Variants in ZNF850 observed in about 807,000 individuals in gnomAD.
ZNF850 encodes the protein putative zinc finger protein ENSP00000330994.
A neutral mutation model predicts 11.9 loss-of-function variants in ZNF850; 2 were observed. The ratio of observed to expected loss-of-function variants is 0.17; its 90% CI spans 0.07 to 0.53. ZNF850 has a LOEUF of 0.53. Among genes scored for constraint, ZNF850 ranks in the 20% least tolerant of loss-of-function variants. The pLI, the probability that ZNF850 is intolerant of heterozygous loss-of-function variation, is 0.94. For missense variants in ZNF850, 1,014 were observed against 1,316.4 expected (o/e 0.77, Z 3.55); for synonymous variants, 381 against 443.0 (o/e 0.86, Z 1.76).
chr19:36,760,910 C>A (rs187529310), intron 4 of ZNF850, among the ~76,000 whole-genome samples: 1 of 151,608 alleles, frequency 6.6e-6, no homozygotes, highest in East Asian at 1.9e-4. Flanking sequence ...GAAATGTCTG[C>A]ATCAAAGGAA....
chr19:36,752,737 A>G (rs1327028409), intron 4 of ZNF850, among the ~76,000 whole-genome samples: 3 of 152,286 alleles, frequency 2.0e-5, no homozygotes, highest in Admixed American at 1.3e-4. Context: ...TTTCAAGGAG[A>G]AAAAGAGAAA....
intron 1 of ZNF850, among the ~76,000 whole-genome samples, chr19:36,767,198 C>T (rs758846392): frequency 6.6e-6 from 1 of 151,134 alleles, no homozygotes; most frequent in Non-Finnish European, 1.5e-5. Flanking sequence ...GACCGTGGCA[C>T]TGCACTGCAG....
At chr19:36,771,391 CAG>C (rs1207906996) in intron 1 of ZNF850, among the ~76,000 whole-genome samples, 20 of 152,138 alleles carry the variant, frequency 1.3e-4, no homozygotes, top group Admixed American at 1.2e-3. Flanking sequence ...CAGGACCAAT[CAG>C]GGGCTGAAGT....
At chr19:36,768,571 T>G (rs2040562001) in intron 1 of ZNF850, among the ~76,000 whole-genome samples, 1 of 152,210 alleles carries the variant, frequency 6.6e-6, no homozygotes. Context: ...GATATTTTCA[T>G]CTCAAGTATA....
chr19:36,762,679 G>C lies in ZNF850; in HGVS notation c.-69-4C>G. Reference sequence around the variant, plus strand: ...TCCGAATATTCCATGGTTAGAGCTGGGAATGAATAAAACACATTGATATAT... The same window carrying C: ...TCCGAATATTCCATGGTTAGAGCTGCGAATGAATAAAACACATTGATATAT... On this transcript the variant is annotated splice_region_variant and splice_polypyrimidine_tract_variant and intron_variant, in intron 1 of 4. Transcript: ENST00000591344. 4.2e-6 allele frequency: 6 copies of C among 1,442,114 alleles called. No homozygotes were observed. The highest frequency in any genetic ancestry group is 2.5e-5 in the East Asian group (1 of 40,458). The allele number at this position is 1,442,114 out of a possible 1,614,324, so 89.3% of individuals were successfully genotyped here. A position where few individuals can be genotyped will look rare whatever the true frequency, so the allele number is the denominator to read the frequency against.
chr19:36,766,950 A>G (rs2040552728), intron 1 of ZNF850, among the ~76,000 whole-genome samples: 2 of 152,100 alleles, frequency 1.3e-5, no homozygotes, highest in South Asian at 4.1e-4. Context: ...TTAAAATACG[A>G]AAAAGGCCAG....
At chr19:36,764,725 CTTTTTTTT>C (rs35367899) in intron 1 of ZNF850, among the ~76,000 whole-genome samples, 1 of 126,838 alleles carries the variant, frequency 7.9e-6, no homozygotes, top group Non-Finnish European at 1.6e-5. Context: ...TTTCCTTTCC[CTTTTTTTT>C]TTTTTTTTTT....
At chr19:36,765,611 T>C (rs918575468) in intron 1 of ZNF850, among the ~76,000 whole-genome samples, 1 of 137,050 alleles carries the variant, frequency 7.3e-6, no homozygotes, top group African/African-American at 2.9e-5. Flanking sequence ...TGAGATGGAG[T>C]TTTACTCTTG....
intron 4 of ZNF850, among the ~76,000 whole-genome samples, chr19:36,753,912 G>A (rs2040469724): frequency 6.6e-6 from 1 of 151,982 alleles, no homozygotes. Context: ...CTAAGTATGG[G>A]CATCAGATTT....
rs1051810709 is a variant in ZNF850 at position 36,743,498 on chromosome 19, C to G, written c.*4269G>C. ...GCATATAGAAAGGAATAGGCAAATA[C>G]TTTTATTTACAAATAATACCAACAT... is the stretch of plus-strand genomic sequence containing the variant. On this transcript the variant is annotated 3_prime_UTR_variant, in exon 5 of 5. Transcript: ENST00000591344. The G allele has an allele frequency of 1.3e-4, 20 of 152,158 alleles. No homozygotes were observed. The highest frequency in any genetic ancestry group is 4.8e-4 in the African/African-American group (20 of 41,528). The allele number at this position is 152,158 out of a possible 1,614,324, so 9.4% of individuals were successfully genotyped here.
intron 4 of ZNF850, among the ~76,000 whole-genome samples, chr19:36,757,136 A>G (rs4092391): frequency 0.25 from 37,341 of 152,038 alleles, 4,661 homozygotes; most frequent in South Asian, 0.36. Flanking sequence ...GAATATTCCC[A>G]TGCTATATAG....
At position 36,749,105 on chromosome 19, in the gene ZNF850, A is replaced by G. The variant is rs2040433854; in HGVS notation, c.1935T>C (p.Tyr645=). 1.9e-6 allele frequency: 3 copies of G among 1,602,970 alleles called. No homozygotes were observed. Among genetic ancestry groups the G allele is most frequent in the African/African-American group, 2.7e-5 (2 of 74,732 alleles). Residue 645 remains tyrosine (Y), a synonymous_variant, in exon 5 of 5, where the codon TAT becomes TAC. Coordinates refer to ENST00000591344, the MANE Select transcript of ZNF850 (RefSeq NM_001193552.2). ...AGGCTTTCCCACATTCCTGACATTG[A>G]TAAGGTTTCTCACCAGTATGGATTT... ...HQQIHTGEKP[Y]QCQECGKAFV...
chr19:36,768,827 G>T (rs1225773851), intron 1 of ZNF850, among the ~76,000 whole-genome samples: 2 of 151,958 alleles, frequency 1.3e-5, no homozygotes, highest in Non-Finnish European at 2.9e-5. Context: ...GCCCAGCATG[G>T]TGCCATATGC....
chr19:36,763,328 G>A (rs1252614274), intron 1 of ZNF850, among the ~76,000 whole-genome samples: 1 of 151,116 alleles, frequency 6.6e-6, no homozygotes, highest in Non-Finnish European at 1.5e-5. Flanking sequence ...ATCACCTGAG[G>A]TCGGGAGTTT....
At position 36,745,389 on chromosome 19, in the gene ZNF850, C is replaced by T. The variant is rs892500533; in HGVS notation, c.*2378G>A. 1 of 151,980 alleles carries T rather than the reference C, an allele frequency of 6.6e-6. No homozygotes were observed. The highest frequency in any genetic ancestry group is 1.5e-5 in the Non-Finnish European group (1 of 68,008). The allele number at this position is 151,980 out of a possible 1,614,324, so 9.4% of individuals were successfully genotyped here. On this transcript the variant is annotated 3_prime_UTR_variant, in exon 5 of 5. Transcript: ENST00000591344. ...GTAATTTACATATAATAAAATGCAA[C>T]CATATGTCTACATTCATGCAAATAC...
At chr19:36,754,835 G>T (rs976775942) in intron 4 of ZNF850, among the ~76,000 whole-genome samples, 1 of 151,984 alleles carries the variant, frequency 6.6e-6, no homozygotes, top group African/African-American at 2.4e-5. Flanking sequence ...GATTACAGGC[G>T]TGAGCGACCA....
chr19:36,749,534 C>T lies in ZNF850; in HGVS notation c.1506G>A (p.Glu502=). 1 of 1,545,884 alleles carries T rather than the reference C, an allele frequency of 6.5e-7. No homozygotes were observed. The highest frequency in any genetic ancestry group is 8.7e-7 in the Non-Finnish European group (1 of 1,150,572). Residue 502 remains glutamate, a synonymous_variant, in exon 5 of 5, where the codon GAG becomes GAA. Coordinates refer to ENST00000591344, the MANE Select transcript of ZNF850 (RefSeq NM_001193552.2). ...CACATTCTTTACAATTATAGGGTTT[C>T]TCACCAGTGTGGATTCGCTGGTGTC... The part of the protein sequence containing the change: ...RNRHQRIHTG[E]KPYNCKECGK...
chr19:36,771,828 A>T (rs558355345), intron 1 of ZNF850, among the ~76,000 whole-genome samples: 1 of 152,076 alleles, frequency 6.6e-6, no homozygotes, highest in Non-Finnish European at 1.5e-5. Flanking sequence ...CAACCGCCTG[A>T]CTTCCTTATC....
intron 4 of ZNF850, 63 bp downstream of exon 4, chr19:36,761,580 G>A (rs1288226987): frequency 2.2e-6 from 2 of 924,474 alleles, no homozygotes; most frequent in South Asian, 1.5e-5. Flanking sequence ...GTACGGTGCT[G>A]CCTCCCTGAC....
Sources: gnomAD v4.1 joint callset for allele counts (sites outside exome capture counted in the v4.1 genomes callset) on GRCh38, gnomAD v4.1.1 for gene constraint, MANE v1.5 for transcripts, NCBI Gene and HGNC (gene_info 2026-07-23, HGNC 2026-07-21) for gene names.